Variants in ABCB9 observed in about 807,000 individuals in gnomAD.
ABCB9 encodes the protein ABC-type oligopeptide transporter ABCB9.
In ABCB9, 36 loss-of-function variants were observed where a neutral mutation model predicts 62.0. The observed-to-expected ratio is 0.58, with a 90% confidence interval of 0.45 to 0.77. The LOEUF (loss-of-function observed/expected upper bound fraction) is 0.77, where lower values mean the gene tolerates loss of function less well. Ranked by LOEUF, ABCB9 falls within the 30% of genes least tolerant of loss-of-function variation. The probability of loss-of-function intolerance (pLI) is 0.00; values close to 1 mark genes in which losing one functional copy is unlikely to be tolerated. For missense variants in ABCB9, 943 were observed against 1,054.7 expected (o/e 0.89, Z 1.47); for synonymous variants, 435 against 461.4 (o/e 0.94, Z 0.73).
intron 11 of ABCB9, among the ~76,000 whole-genome samples, chr12:122,923,733 G>A (rs2034816485): frequency 6.6e-6 from 1 of 152,102 alleles, no homozygotes; most frequent in Admixed American, 6.6e-5. Context: ...TATGTGCATG[G>A]GTATTTTTCT....
chr12:122,925,514 C>T (rs1440297823), downstream of ABCB9, among the ~76,000 whole-genome samples: 7 of 152,014 alleles, frequency 4.6e-5, no homozygotes, highest in African/African-American at 9.7e-5. Context: ...TTTGGGAGGC[C>T]GAGATGGGTG....
Position 122,930,378 on chromosome 12 carries a change from G to A in ABCB9, c.2041-207C>T, listed in dbSNP as rs2135752541. ...TGAATGGGGGATCAGCTCTACCCTG[G>A]CCCTCCAGTCTTCTGGTCCTTCCCT... On this transcript the variant is annotated intron_variant, in intron 11 of 11. Coordinates refer to ENST00000280560, the MANE Select transcript of ABCB9 (RefSeq NM_019625.4). The surrounding 1 kb of genome is among the most constrained non-coding windows in gnomAD (Gnocchi z 4.9). Among the ~76,000 whole-genome samples, 1 of 151,440 alleles carries A rather than the reference G, an allele frequency of 6.6e-6. No homozygotes were observed. Among genetic ancestry groups the A allele is most frequent in the South Asian group, 2.1e-4 (1 of 4,792 alleles).
In ABCB9 at chr12:122,944,948, C is replaced by T. The variant is rs2035958863; in HGVS notation, c.1252-429G>A. Among the ~76,000 whole-genome samples, 2 of 152,214 alleles carry T rather than the reference C, an allele frequency of 1.3e-5. No individual in the cohort carries two copies. Among genetic ancestry groups the T allele is most frequent in the African/African-American group, 4.8e-5 (2 of 41,456 alleles). Reference sequence around the variant, plus strand: ...CGTGAAGAAGGGGCTGTGATGGGAGCGCCCATGCCTTCCTCCTGTGCCTGG... The same window carrying T: ...CGTGAAGAAGGGGCTGTGATGGGAGTGCCCATGCCTTCCTCCTGTGCCTGG... On this transcript the variant is annotated intron_variant, in intron 6 of 11. Coordinates refer to ENST00000280560, the MANE Select transcript of ABCB9 (RefSeq NM_019625.4). This position sits in a 1 kb window ranked among gnomAD's most constrained non-coding sequence, Gnocchi z 4.9.
At position 122,949,989 on chromosome 12, in the gene ABCB9, C is replaced by T. The variant is rs2036271995; in HGVS notation, c.717-71G>A. On this transcript the variant is annotated intron_variant, in intron 3 of 11. Transcript: ENST00000280560. ...AGTGACCACACCCGGCTGCCCCCTC[C>T]CGCTGCCGGCAGGCCTGGGAGCCCC... 1.1e-5 allele frequency: 18 copies of T among 1,594,594 alleles called. 1 individual carries two copies. In the Admixed American group the frequency reaches 3.0e-4, roughly 27 times the overall value.
chr12:122,946,768 C>A (rs952121815), intron 5 of ABCB9, among the ~76,000 whole-genome samples: 3 of 152,248 alleles, frequency 2.0e-5, no homozygotes, highest in African/African-American at 4.8e-5. Context: ...TCTGCCCACA[C>A]CATGTGCATG....
chr12:122,954,457 C>T (rs566749905), intron 2 of ABCB9, among the ~76,000 whole-genome samples: 2 of 152,038 alleles, frequency 1.3e-5, no homozygotes, highest in African/African-American at 2.4e-5. Context: ...ATCTGCCCCC[C>T]CTTGCTGAGA....
Position 122,940,119 on chromosome 12 carries a change from G to C in ABCB9, c.1735C>G (p.His579Asp). 2 of 1,611,104 alleles carry C rather than the reference G, an allele frequency of 1.2e-6. No individual in the cohort carries two copies. The highest frequency in any genetic ancestry group is 2.2e-5 in the East Asian group (1 of 44,816). ...CAGGCCCGTGCACATACCACACGGT[G>C]CAAGTACTTGTGGTCGTAGGCGCTG... ...PISAYDHKYL[H>D]RVISLVSQEP... Residue 579 changes from histidine (H) to aspartate (D), a missense_variant, in exon 9 of 12, where the codon CAC (histidine) becomes GAC (aspartate). Physicochemically the swap from His to Asp is moderately conservative, Grantham distance 81. Transcript: ENST00000280560. This position sits in a 1 kb window ranked among gnomAD's most constrained non-coding sequence, Gnocchi z 4.8.
chr12:122,945,886 A>G (rs2036016177), intron 6 of ABCB9, 139 bp downstream of exon 6: 3 of 897,976 alleles, frequency 3.3e-6, no homozygotes, highest in Admixed American at 2.8e-5. Flanking sequence ...TCAAAAAAAA[A>G]AAAAAAAAAA....
chr12:122,956,683 G>C (rs1594059118), intron 2 of ABCB9, among the ~76,000 whole-genome samples: 1 of 152,148 alleles, frequency 6.6e-6, no homozygotes, highest in East Asian at 1.9e-4. Context: ...AGCACATCTG[G>C]CTAAGTTTTA....
chr12:122,956,750 C>G (rs1290082371), intron 2 of ABCB9, among the ~76,000 whole-genome samples: 1 of 152,206 alleles, frequency 6.6e-6, no homozygotes, highest in Non-Finnish European at 1.5e-5. Context: ...GAACTCCTGA[C>G]CTCAGGTGAT....
At chr12:122,935,189 AG>A (rs2035396080) in intron 10 of ABCB9, 82 bp downstream of exon 10, 82 of 1,416,818 alleles carry the variant, frequency 5.8e-5, no homozygotes, top group Non-Finnish European at 7.6e-5. Flanking sequence ...AGCAGGTGGC[AG>A]GGGGCAGTGC....
At chr12:122,941,572 G>A (rs1386950456) in intron 7 of ABCB9, among the ~76,000 whole-genome samples, 6 of 152,018 alleles carry the variant, frequency 3.9e-5, no homozygotes, top group Non-Finnish European at 8.8e-5. Context: ...CCCTCCCAAA[G>A]TGCTGGGATT....
At chr12:122,935,013 A>G in intron 10 of ABCB9, among the ~76,000 whole-genome samples, 1 of 151,898 alleles carries the variant, frequency 6.6e-6, no homozygotes, top group Admixed American at 6.6e-5. Context: ...ATTCCAGTGT[A>G]TGGGCTTCTA....
rs538750478 is a variant in ABCB9, at chr12:122,956,285, C to T, written c.601+3350G>A. ...ACCCCATTGGAGGGGTACTACTATG[C>T]CCATGTCACAGAAGAGGAGGCTAAG... On this transcript the variant is annotated intron_variant, in intron 2 of 11. Coordinates refer to ENST00000280560, the MANE Select transcript of ABCB9 (RefSeq NM_019625.4). 2.0e-5 allele frequency among the ~76,000 whole-genome samples: 3 copies of T among 152,308 alleles called. No homozygotes were observed. In the East Asian group the frequency reaches 5.8e-4, roughly 29 times the overall value.
upstream of ABCB9, among the ~76,000 whole-genome samples, chr12:122,968,597 T>A (rs1037775456): frequency 6.0e-5 from 9 of 151,144 alleles, no homozygotes; most frequent in African/African-American, 2.2e-4. Context: ...TTTCCAGCGA[T>A]CAAGTTTGCA....
Position 122,930,082 on chromosome 12 carries a change from A to G in ABCB9, c.2130T>C (p.Ile710=), listed in dbSNP as rs1293671627. 6.4e-7 allele frequency: 1 copy of G among 1,563,214 alleles called. No homozygotes were observed. The highest frequency in any genetic ancestry group is 2.4e-5 in the East Asian group (1 of 41,994). The change falls in exon 12 of 12, where the codon ATT becomes ATC. Residue 710 remains isoleucine (I), a synonymous_variant. Transcript: ENST00000280560. This position sits in a 1 kb window ranked among gnomAD's most constrained non-coding sequence, Gnocchi z 4.9. ...RLSTVEHAHL[I]VVLDKGRVVQ... ...CTACGCGGCCCTTGTCCAGCACCAC[A>G]ATGAGGTGCGCGTGCTCCACGGTGC...
chr12:122,963,939 C>T (rs2037040475), intron 1 of ABCB9, among the ~76,000 whole-genome samples: 1 of 152,198 alleles, frequency 6.6e-6, no homozygotes, highest in Non-Finnish European at 1.5e-5. Context: ...GTGCTGCCCA[C>T]GCAGGCTCCT....
chr12:122,933,185 C>T (rs1327929481), intron 10 of ABCB9, among the ~76,000 whole-genome samples: 1 of 152,200 alleles, frequency 6.6e-6, no homozygotes, highest in Non-Finnish European at 1.5e-5. Context: ...AGCCACTGCA[C>T]CTGGCCACGC....
intron 11 of ABCB9, among the ~76,000 whole-genome samples, chr12:122,922,509 A>G (rs1053904443): frequency 1.3e-5 from 2 of 151,850 alleles, no homozygotes; most frequent in Admixed American, 6.6e-5. Flanking sequence ...CTTCCCGAGT[A>G]GCTGGGACTA....
Sources: gnomAD v4.1 joint callset for allele counts (sites outside exome capture counted in the v4.1 genomes callset) on GRCh38, gnomAD v4.1.1 for gene constraint, Gnocchi (gnomAD v3.1) non-coding constraint, MANE v1.5 for transcripts, NCBI Gene and HGNC (gene_info 2026-07-23, HGNC 2026-07-21) for gene names.